The following GAS2 variants were observed in gnomAD, a reference collection of about 807,000 sequenced individuals.
The protein encoded by GAS2 is growth arrest-specific protein 2.
Under a neutral mutation model 37.5 loss-of-function variants are expected in GAS2, and 20 were observed. The ratio of observed to expected loss-of-function variants is 0.53; its 90% confidence interval spans 0.37 to 0.77. GAS2 has a LOEUF of 0.77. GAS2 is among the 30% of genes least tolerant of loss of function. The probability of loss-of-function intolerance (pLI) is 0.00; values close to 1 mark genes in which losing one functional copy is unlikely to be tolerated. For missense variants in GAS2, 336 were observed against 373.4 expected (o/e 0.90, Z 0.82); for synonymous variants, 144 against 132.2 (o/e 1.09, Z -0.61).
chr11:22,754,166 G>C (rs1406810230), intron 6 of GAS2, among the ~76,000 whole-genome samples: 1 of 151,864 alleles, frequency 6.6e-6, no homozygotes, highest in Non-Finnish European at 1.5e-5. Flanking sequence ...TATTTTTAAG[G>C]TTCTTTGAAT....
chr11:22,776,162 A>G (rs1159856895), intron 7 of GAS2, among the ~76,000 whole-genome samples: 1 of 152,220 alleles, frequency 6.6e-6, no homozygotes, highest in Non-Finnish European at 1.5e-5. Context: ...TGAATTGAGC[A>G]GTGAACAAAA....
At chr11:22,668,407 G>A (rs1849071834) in intron 1 of GAS2, 1 of 152,234 alleles carries the variant, frequency 6.6e-6, no homozygotes, top group African/African-American at 2.4e-5. Context: ...GCACAGGGCT[G>A]CCTGAATGGT....
intron 1 of GAS2, 132 bp from the exon 2 acceptor site, chr11:22,674,718 A>G (rs1590608338): frequency 3.1e-6 from 2 of 635,372 alleles, no homozygotes; most frequent in Non-Finnish European, 5.1e-6. Context: ...ATAGTGTTTC[A>G]TGGGGTTAAT....
At chr11:22,778,504 G>C (rs1855380809) in intron 7 of GAS2, among the ~76,000 whole-genome samples, 1 of 152,228 alleles carries the variant, frequency 6.6e-6, no homozygotes, top group Non-Finnish European at 1.5e-5. Context: ...AGCTTGAAGA[G>C]ATGGCCTCTC....
intron 7 of GAS2, among the ~76,000 whole-genome samples, chr11:22,797,517 T>C (rs1856486060): frequency 6.6e-6 from 1 of 152,054 alleles, no homozygotes; most frequent in African/African-American, 2.4e-5. Context: ...GATTTGAGGA[T>C]TACATCTTTA....
intron 7 of GAS2, among the ~76,000 whole-genome samples, chr11:22,789,524 T>G (rs549478129): frequency 6.1e-5 from 8 of 131,842 alleles, no homozygotes; most frequent in African/African-American, 2.0e-4. Context: ...TGCAGTGGCG[T>G]GATCTCGGCT....
At chr11:22,690,185 G>T (rs1026712884) in intron 3 of GAS2, among the ~76,000 whole-genome samples, 1 of 152,122 alleles carries the variant, frequency 6.6e-6, no homozygotes, top group Non-Finnish European at 1.5e-5. Flanking sequence ...AAGTATGTCT[G>T]TATTAAGGAT....
chr11:22,697,588 C>G, intron 3 of GAS2, among the ~76,000 whole-genome samples: 1 of 152,068 alleles, frequency 6.6e-6, no homozygotes, highest in South Asian at 2.1e-4. Context: ...ATGGAATGTT[C>G]TTCCATTTGT....
chr11:22,659,444 C>T (rs918095046), intron 1 of GAS2, among the ~76,000 whole-genome samples: 6 of 152,172 alleles, frequency 3.9e-5, no homozygotes, highest in East Asian at 1.9e-4. Flanking sequence ...CATCTATCCT[C>T]GACTGATACC....
At chr11:22,706,580 C>T (rs975576813) in intron 3 of GAS2, among the ~76,000 whole-genome samples, 38 of 151,748 alleles carry the variant, frequency 2.5e-4, no homozygotes, top group Middle Eastern at 3.4e-3. Flanking sequence ...TGAGAATATG[C>T]GGTGTTTGGT....
chr11:22,793,179 C>T (rs964558691), intron 7 of GAS2, among the ~76,000 whole-genome samples: 4 of 152,006 alleles, frequency 2.6e-5, no homozygotes, highest in Non-Finnish European at 5.9e-5. Context: ...GAGCCTGAGG[C>T]GGGAGAATTG....
At chr11:22,651,559 T>A (rs1019874141) in intron 1 of GAS2, among the ~76,000 whole-genome samples, 4 of 152,230 alleles carry the variant, frequency 2.6e-5, no homozygotes, top group Non-Finnish European at 5.9e-5. Flanking sequence ...GGTACACCAA[T>A]CAGACATAGA....
intron 1 of GAS2, among the ~76,000 whole-genome samples, chr11:22,650,653 A>T (rs1393648881): frequency 6.6e-6 from 1 of 150,944 alleles, no homozygotes; most frequent in Admixed American, 6.6e-5. Context: ...TGTTGAATTG[A>T]TCCCTTTACC....
At chr11:22,794,728 T>C (rs1196733866) in intron 7 of GAS2, among the ~76,000 whole-genome samples, 1 of 152,178 alleles carries the variant, frequency 6.6e-6, no homozygotes, top group Admixed American at 6.5e-5. Flanking sequence ...CTAAGTATGA[T>C]GAAAAGGCCC....
At chr11:22,809,132 C>T (rs547432096) in intron 7 of GAS2, among the ~76,000 whole-genome samples, 1 of 152,124 alleles carries the variant, frequency 6.6e-6, no homozygotes, top group East Asian at 1.9e-4. Context: ...GTACTGTGAC[C>T]GAAACACCAT....
At chr11:22,705,315 C>T (rs947003254) in intron 3 of GAS2, among the ~76,000 whole-genome samples, 2 of 152,090 alleles carry the variant, frequency 1.3e-5, no homozygotes, top group African/African-American at 4.8e-5. Flanking sequence ...GTATTATTTT[C>T]CCAGGGGTGT....
chr11:22,807,912 G>T (rs1215799210), intron 7 of GAS2, among the ~76,000 whole-genome samples: 1 of 152,190 alleles, frequency 6.6e-6, no homozygotes, highest in Non-Finnish European at 1.5e-5. Context: ...GTAAGTTTCA[G>T]TTGCTTGACA....
intron 7 of GAS2, among the ~76,000 whole-genome samples, chr11:22,791,607 A>C (rs966594338): frequency 1.3e-5 from 2 of 152,260 alleles, no homozygotes; most frequent in Non-Finnish European, 2.9e-5. Flanking sequence ...AACTGGCTAG[A>C]TACTAGGGAG....
At chr11:22,717,400 G>A (rs891370766) in intron 3 of GAS2, among the ~76,000 whole-genome samples, 5 of 152,092 alleles carry the variant, frequency 3.3e-5, no homozygotes, top group African/African-American at 1.2e-4. Context: ...TTGGAGAATG[G>A]ACACCCTATT....
Sources: gnomAD v4.1 joint callset for allele counts (sites outside exome capture counted in the v4.1 genomes callset) on GRCh38, gnomAD v4.1.1 for gene constraint, MANE v1.5 for transcripts, NCBI Gene and HGNC (gene_info 2026-07-23, HGNC 2026-07-21) for gene names.